The following TGFBR3 variants were observed in gnomAD, a reference collection of about 807,000 sequenced individuals.
TGFBR3 encodes transforming growth factor beta receptor 3, also known as transforming growth factor beta receptor type 3.
Under a neutral mutation model 87.9 loss-of-function variants are expected in TGFBR3, and 46 were observed. The ratio of observed to expected loss-of-function variants is 0.52; its 90% CI spans 0.41 to 0.67. The LOEUF is 0.67. TGFBR3 is among the 30% of genes least tolerant of loss of function. The pLI, the probability that TGFBR3 is intolerant of heterozygous loss-of-function variation, is 0.00. For synonymous variants in TGFBR3, 381 were observed against 391.6 expected (o/e 0.97, Z 0.32); for missense variants, 866 against 1,041.9 (o/e 0.83, Z 2.32).
intron 2 of TGFBR3, among the ~76,000 whole-genome samples, chr1:91,807,077 T>C (rs945699606): frequency 6.6e-6 from 1 of 152,210 alleles, no homozygotes; most frequent in Non-Finnish European, 1.5e-5. Context: ...ACGCCTGACG[T>C]GTACATAACA....
chr1:91,827,191 CCAGGCATGAGG>C (rs1249867023), intron 2 of TGFBR3, among the ~76,000 whole-genome samples: 1 of 152,088 alleles, frequency 6.6e-6, no homozygotes, highest in Non-Finnish European at 1.5e-5. Context: ...ATGTAAAGTG[CCAGGCATGAGG>C]CTGGCATTTG....
chr1:91,883,789 A>C (rs1679189561), intron 1 of TGFBR3, among the ~76,000 whole-genome samples: 1 of 152,162 alleles, frequency 6.6e-6, no homozygotes, highest in African/African-American at 2.4e-5. Context: ...AAAAAAAAAA[A>C]ACGCTCAAGC....
At chr1:91,858,432 C>T (rs187776813) in intron 2 of TGFBR3, among the ~76,000 whole-genome samples, 5 of 151,226 alleles carry the variant, frequency 3.3e-5, no homozygotes, top group East Asian at 2.0e-4. Flanking sequence ...CTGGGCAACA[C>T]GATGAAACCC....
chr1:91,800,319 T>C (rs9787214), intron 2 of TGFBR3, among the ~76,000 whole-genome samples: 38,445 of 122,468 alleles, frequency 0.31, 6,034 homozygotes, highest in African/African-American at 0.49. Flanking sequence ...TATATGTATA[T>C]ATATGTGTAT....
At chr1:91,729,147 G>GCGTACA (rs1210478209) in intron 6 of TGFBR3, among the ~76,000 whole-genome samples, 2 of 39,602 alleles carry the variant, frequency 5.1e-5, no homozygotes, top group African/African-American at 1.7e-4. Flanking sequence ...GGCCACTCCA[G>GCGTACA]CATACACACA....
chr1:91,687,379 A>G (rs1314683290), intron 16 of TGFBR3, among the ~76,000 whole-genome samples: 1 of 152,152 alleles, frequency 6.6e-6, no homozygotes, highest in Non-Finnish European at 1.5e-5. Context: ...AACAAAAAAC[A>G]TTTCTTAATG....
intron 2 of TGFBR3, among the ~76,000 whole-genome samples, chr1:91,811,693 G>A (rs1236893105): frequency 2.0e-5 from 3 of 152,228 alleles, no homozygotes; most frequent in South Asian, 4.2e-4. Context: ...ATAAAGTACT[G>A]TACTATTATT....
At chr1:91,766,198 CTTTTTT>C (rs749978314) in intron 3 of TGFBR3, among the ~76,000 whole-genome samples, 10 of 114,458 alleles carry the variant, frequency 8.7e-5, no homozygotes, top group Non-Finnish European at 8.4e-5. Flanking sequence ...AGTTTGTTTT[CTTTTTT>C]TTTTTTTTTT....
At chr1:91,706,621 A>C (rs550381212) in intron 14 of TGFBR3, among the ~76,000 whole-genome samples, 4 of 152,166 alleles carry the variant, frequency 2.6e-5, no homozygotes, top group Non-Finnish European at 5.9e-5. Context: ...AACCATAAAA[A>C]TAGCAACCAG....
At chr1:91,876,187 C>T (rs1678800958) in intron 1 of TGFBR3, among the ~76,000 whole-genome samples, 1 of 152,072 alleles carries the variant, frequency 6.6e-6, no homozygotes, top group Non-Finnish European at 1.5e-5. Flanking sequence ...AGAGCTAAAA[C>T]ACATTAGCCT....
chr1:91,797,824 T>A (rs1675445679), intron 2 of TGFBR3, among the ~76,000 whole-genome samples: 1 of 152,206 alleles, frequency 6.6e-6, no homozygotes, highest in South Asian at 2.1e-4. Context: ...AATAATACTA[T>A]ACATAAATAA....
At chr1:91,884,550 C>G (rs549132616) in intron 1 of TGFBR3, among the ~76,000 whole-genome samples, 7 of 152,178 alleles carry the variant, frequency 4.6e-5, no homozygotes, top group African/African-American at 1.7e-4. Context: ...TATGTACACA[C>G]AAATCGGCCT....
chr1:91,730,073 A>G, intron 5 of TGFBR3, 100 bp from the exon 6 acceptor site: 2 of 1,334,470 alleles, frequency 1.5e-6, no homozygotes, highest in South Asian at 1.2e-5. Flanking sequence ...TGGCAGACAC[A>G]GGGAACCACG....
intron 3 of TGFBR3, among the ~76,000 whole-genome samples, chr1:91,775,150 A>G (rs1224341252): frequency 6.6e-6 from 1 of 152,158 alleles, no homozygotes; most frequent in Non-Finnish European, 1.5e-5. Flanking sequence ...AACTATTCGC[A>G]TTTCTCCTTA....
At chr1:91,877,959 T>TTTAGA (rs1484011291) in intron 1 of TGFBR3, among the ~76,000 whole-genome samples, 2 of 152,192 alleles carry the variant, frequency 1.3e-5, no homozygotes, top group Admixed American at 1.3e-4. Flanking sequence ...AACATGCCCA[T>TTTAGA]TTAGATCAGA....
At chr1:91,753,026 CAA>C (rs1012182538) in intron 4 of TGFBR3, among the ~76,000 whole-genome samples, 2 of 104,964 alleles carry the variant, frequency 1.9e-5, no homozygotes. Context: ...GACCCTCTCT[CAA>C]AAAAAAAAAG....
intron 3 of TGFBR3, among the ~76,000 whole-genome samples, chr1:91,793,575 C>T (rs542456355): frequency 1.1e-4 from 16 of 152,068 alleles, no homozygotes; most frequent in African/African-American, 2.9e-4. Flanking sequence ...GAGTCTGAGG[C>T]GGACGGATCA....
chr1:91,885,255 C>A (rs1679248141), intron 1 of TGFBR3, among the ~76,000 whole-genome samples: 1 of 151,728 alleles, frequency 6.6e-6, no homozygotes, highest in Non-Finnish European at 1.5e-5. Context: ...GGCAAATGCC[C>A]TAATAAGATC....
chr1:91,782,379 C>T (rs182230070), intron 3 of TGFBR3, among the ~76,000 whole-genome samples: 82 of 152,302 alleles, frequency 5.4e-4, no homozygotes, highest in African/African-American at 1.9e-3. Context: ...GACAGCTTGG[C>T]AAGGCTAGGA....
Sources: allele counts gnomAD v4.1 joint callset (sites outside exome capture counted in the v4.1 genomes callset), GRCh38; gene constraint gnomAD v4.1.1; transcripts MANE v1.5; gene names NCBI Gene and HGNC (gene_info 2026-07-23, HGNC 2026-07-21).